Variants in THOC1 observed in about 807,000 individuals in gnomAD.
THOC1 encodes THO complex subunit 1, also known as THO complex 1.
In THOC1, 29 loss-of-function variants were observed where a neutral mutation model predicts 97.3. The observed-to-expected ratio is 0.30, with a 90% confidence interval of 0.22 to 0.41. The LOEUF (loss-of-function observed/expected upper bound fraction) is 0.41. Among genes scored for constraint, THOC1 ranks in the 10% least tolerant of loss-of-function variants. THOC1 has a pLI of 1.00. For synonymous variants in THOC1, 255 were observed against 257.0 expected, an observed-to-expected ratio of 0.99 and a Z score of 0.07; for missense variants, 529 against 761.9, an observed-to-expected ratio of 0.69 and a Z score of 3.60.
chr18:255,291 T>C (rs957481227), intron 7 of THOC1, among the ~76,000 whole-genome samples: 1 of 152,252 alleles, frequency 6.6e-6, no homozygotes. Flanking sequence ...CACGACAGGC[T>C]GAAAGTTCTC....
Position 252,599 on chromosome 18 carries a change from C to G in THOC1, c.617G>C (p.Arg206Thr). 1 of 1,607,624 alleles carries G rather than the reference C, an allele frequency of 6.2e-7. No homozygotes were observed. The highest frequency in any genetic ancestry group is 8.5e-7 in the Non-Finnish European group (1 of 1,178,020). ...TTCTTCTACATCCATTCCTTCTTCT[C>G]TATCTTCAGTGTGCTAAATTGAAAA... ...STLGQKHTED[R>T]EEGMDVEEGE... Residue 206 changes from arginine to threonine, a missense_variant, in exon 9 of 21, where the codon AGA becomes ACA. This residue lies in a region of THOC1 where 92 missense variants were observed against 127.0 expected (regional missense o/e 0.72). Transcript: ENST00000261600.
intron 11 of THOC1, among the ~76,000 whole-genome samples, chr18:240,717 T>C (rs1385504953): frequency 6.6e-6 from 1 of 152,098 alleles, no homozygotes; most frequent in Non-Finnish European, 1.5e-5. Flanking sequence ...GGTTATGGGG[T>C]AGAGGGAATG....
chr18:248,002 T>G, intron 9 of THOC1, 45 bp from the exon 10 acceptor site: 1 of 1,208,012 alleles, frequency 8.3e-7, no homozygotes, highest in Non-Finnish European at 1.2e-6. Context: ...CAAATTCTTT[T>G]ACAAATATCT....
Position 243,468 on chromosome 18 carries a change from G to C in THOC1, c.918+2856C>G, listed in dbSNP as rs181224311. On this transcript the variant is annotated intron_variant, in intron 11 of 20. Transcript: ENST00000261600. ...CAGGAGAATCGCTTAAACCCAGGTG[G>C]CAGAGGTTGCAGTGAGCCAAGACCA... Among the ~76,000 whole-genome samples the C allele has an allele frequency of 4.5e-3, 691 of 152,102 alleles. 6 individuals carry two copies. The highest frequency in any genetic ancestry group is 7.6e-3 in the Non-Finnish European group (517 of 68,010).
intron 9 of THOC1, among the ~76,000 whole-genome samples, chr18:249,540 T>C (rs1031415882): frequency 6.6e-6 from 1 of 152,016 alleles, no homozygotes; most frequent in African/African-American, 2.4e-5. Context: ...TGCGTGCTTG[T>C]AGTCCCAGCT....
intron 3 of THOC1, among the ~76,000 whole-genome samples, 183 bp from the exon 4 acceptor site, chr18:264,275 A>G (rs1241891757): frequency 6.6e-6 from 1 of 152,234 alleles, no homozygotes; most frequent in Non-Finnish European, 1.5e-5. Flanking sequence ...TATAGAATCA[A>G]TAGTCGTAGA....
chr18:264,456 T>C (rs1912701872), intron 3 of THOC1, among the ~76,000 whole-genome samples: 1 of 152,192 alleles, frequency 6.6e-6, no homozygotes, highest in African/African-American at 2.4e-5. Context: ...AATACACCCA[T>C]GTGTCTGAGG....
chr18:267,763 G>T (rs1053998797), intron 1 of THOC1, among the ~76,000 whole-genome samples: 2 of 152,170 alleles, frequency 1.3e-5, no homozygotes, highest in African/African-American at 4.8e-5. Flanking sequence ...GAGGGTGGGC[G>T]GAGGCGGACG....
chr18:252,720 G>A, intron 8 of THOC1, 108 bp from the exon 9 acceptor site: 1 of 854,068 alleles, frequency 1.2e-6, no homozygotes, highest in Non-Finnish European at 1.9e-6. Flanking sequence ...CCCACAGTTA[G>A]AGAAGTCTAG....
rs1289774194 is a variant in THOC1, at chr18:242,973, T to C, written c.918+3351A>G. 6.6e-6 allele frequency among the ~76,000 whole-genome samples: 1 copy of C among 152,212 alleles called. No homozygotes were observed. The highest frequency in any genetic ancestry group is 1.5e-5 in the Non-Finnish European group (1 of 68,048). On this transcript the variant is annotated intron_variant, in intron 11 of 20. Coordinates refer to ENST00000261600, the MANE Select transcript of THOC1 (RefSeq NM_005131.3). The surrounding 1 kb of genome is among the most constrained non-coding windows in gnomAD (Gnocchi z 4.5). The stretch of plus-strand genomic sequence containing the variant: ...TGCATTACAAATATTTTCACTTGTA[T>C]ATTAAGTAGTAAAAACTAAAAATAC...
chr18:265,252 A>G (rs1912726226), intron 3 of THOC1, 51 bp downstream of exon 3: 1 of 1,435,476 alleles, frequency 7.0e-7, no homozygotes, highest in Non-Finnish European at 9.4e-7. Context: ...TTTAAATAAC[A>G]TGGTTTATTA....
At chr18:234,029 T>C (rs968548942) in intron 11 of THOC1, among the ~76,000 whole-genome samples, 6 of 152,244 alleles carry the variant, frequency 3.9e-5, no homozygotes, top group Non-Finnish European at 1.5e-5. Flanking sequence ...ATTTTTGTAA[T>C]GTTTCTCTAT....
At chr18:223,310 C>T in intron 17 of THOC1, 130 bp downstream of exon 17, 1 of 635,074 alleles carries the variant, frequency 1.6e-6, no homozygotes, top group Non-Finnish European at 2.7e-6. Flanking sequence ...AAGTTACACG[C>T]TGCTGTGCCA....
At chr18:225,834 T>C (rs1422758376) in intron 12 of THOC1, 1 of 157,514 alleles carries the variant, frequency 6.3e-6, no homozygotes, top group East Asian at 1.9e-4. Context: ...AAACCCAAAT[T>C]GTTAATAGCT....
rs371910516 is a variant in THOC1, at chr18:259,139, G to T, written c.520+41C>A. On this transcript the variant is annotated intron_variant, in intron 7 of 20. Coordinates refer to ENST00000261600, the MANE Select transcript of THOC1 (RefSeq NM_005131.3). ...TTTTAATCTATTAAAAACTGGAAAA[G>T]ATTTTCCTGCAGAAAACTCATTTAA... 24 of 1,468,070 alleles carry T rather than the reference G, an allele frequency of 1.6e-5. No individual in the cohort carries two copies. The African/African-American group carries it at 2.7e-4, about 17-fold the overall frequency. The allele number at this position is 1,468,070 out of a possible 1,614,324, so 90.9% of individuals were successfully genotyped here.
intron 7 of THOC1, among the ~76,000 whole-genome samples, chr18:256,816 G>C (rs1229212087): frequency 6.6e-6 from 1 of 152,188 alleles, no homozygotes; most frequent in Non-Finnish European, 1.5e-5. Flanking sequence ...ATGTGCTACA[G>C]AGAAATCTTT....
chr18:234,553 T>C (rs2588317), intron 11 of THOC1, among the ~76,000 whole-genome samples: 1 of 152,110 alleles, frequency 6.6e-6, no homozygotes, highest in African/African-American at 2.4e-5. Context: ...GTTTTTTTTT[T>C]GTTTTGTTTT....
Position 224,190 on chromosome 18 carries a change from C to A in THOC1, c.1209-11G>T, listed in dbSNP as rs1440953957. On this transcript the variant is annotated splice_polypyrimidine_tract_variant and intron_variant, in intron 15 of 20. Coordinates refer to ENST00000261600, the MANE Select transcript of THOC1 (RefSeq NM_005131.3). ...TTGGTATCTGATGTTCTGTCGTGAACAAAACATACACTATTTTTTGAATTA... is the reference window on the plus strand; with the variant it reads ...TTGGTATCTGATGTTCTGTCGTGAAAAAAACATACACTATTTTTTGAATTA... 4 of 1,546,060 alleles carry A rather than the reference C, an allele frequency of 2.6e-6. No homozygotes were observed. The highest frequency in any genetic ancestry group is 3.6e-6 in the Non-Finnish European group (4 of 1,126,126).
At chr18:223,545 C>T (rs201902953) in intron 16 of THOC1, 40 bp from the exon 17 acceptor site, 483 of 1,470,678 alleles carry the variant, frequency 3.3e-4, no homozygotes, top group Middle Eastern at 6.9e-4. Flanking sequence ...TTTTTATGGA[C>T]ACCATCCTCA....
Sources: gnomAD v4.1 joint callset for allele counts (sites outside exome capture counted in the v4.1 genomes callset) on GRCh38, gnomAD v4.1.1 for gene constraint, gnomAD v4.1.1 regional missense constraint, Gnocchi (gnomAD v3.1) non-coding constraint, MANE v1.5 for transcripts, NCBI Gene and HGNC (gene_info 2026-07-23, HGNC 2026-07-21) for gene names.